RHOU: variants seen among roughly 807,000 people sequenced by gnomAD.
RHOU encodes ras homolog family member U, also known as rho-related GTP-binding protein RhoU.
In RHOU, 8 loss-of-function variants were observed where a neutral mutation model predicts 12.6. The ratio of observed to expected loss-of-function variants is 0.64; its 90% CI spans 0.37 to 1.15. The LOEUF (loss-of-function observed/expected upper bound fraction) is 1.15, where lower values mean the gene tolerates loss of function less well. Ranked by LOEUF, RHOU falls within the 50% of genes most tolerant of loss-of-function variation. The pLI is 0.01. For synonymous variants in RHOU, 161 were observed against 147.4 expected (o/e 1.09, Z -0.67); for missense variants, 258 against 347.0 (o/e 0.74, Z 2.04).
At chr1:228,666,847 TA>T in the RHOU span, among the ~76,000 whole-genome samples, 1 of 152,210 alleles carries the variant, frequency 6.6e-6, no homozygotes, top group Non-Finnish European at 1.5e-5. Context: ...GTAACGAGAC[TA>T]GAAAAGCCCT....
At chr1:228,691,250 A>T in the RHOU span, among the ~76,000 whole-genome samples, 7 of 152,172 alleles carry the variant, frequency 4.6e-5, no homozygotes, top group Admixed American at 2.0e-4. Context: ...CTATATTGAC[A>T]CATCATTATC....
At chr1:228,706,384 A>C in the RHOU span, among the ~76,000 whole-genome samples, 2 of 152,246 alleles carry the variant, frequency 1.3e-5, no homozygotes, top group Non-Finnish European at 2.9e-5. Context: ...CTTTGTGGTC[A>C]GTGAGGATTT....
upstream of RHOU, among the ~76,000 whole-genome samples, chr1:228,733,482 T>C (rs1662533345): frequency 6.6e-6 from 1 of 152,226 alleles, no homozygotes; most frequent in African/African-American, 2.4e-5. Context: ...AATTTTTTTA[T>C]TTTTGGTAGA....
At chr1:228,681,726 A>G in the RHOU span, among the ~76,000 whole-genome samples, 23 of 152,278 alleles carry the variant, frequency 1.5e-4, no homozygotes, top group South Asian at 4.1e-3. Flanking sequence ...CTTAGATTTT[A>G]GGTCAGGCAA....
chr1:228,700,771 T>C, the RHOU span, among the ~76,000 whole-genome samples: 1 of 152,198 alleles, frequency 6.6e-6, no homozygotes, highest in African/African-American at 2.4e-5. Context: ...TCATTTCTTA[T>C]TTGACAATGC....
chr1:228,650,732 A>G, the RHOU span: 17 of 458,320 alleles, frequency 3.7e-5, no homozygotes, highest in Admixed American at 4.5e-4. Context: ...CATCAACTAC[A>G]GGCCAGCTTA....
At chr1:228,648,931 C>G in the RHOU span, among the ~76,000 whole-genome samples, 1 of 151,518 alleles carries the variant, frequency 6.6e-6, no homozygotes, top group Admixed American at 6.6e-5. Flanking sequence ...AGTGTTCGAT[C>G]TCGGCTCACC....
the RHOU span, among the ~76,000 whole-genome samples, chr1:228,707,179 CAAAA>C: frequency 4.3e-5 from 3 of 70,130 alleles, no homozygotes; most frequent in East Asian, 1.0e-3. Flanking sequence ...CATATATTAA[CAAAA>C]TATATATATA....
chr1:228,727,432 C>A, the RHOU span, among the ~76,000 whole-genome samples: 3 of 152,088 alleles, frequency 2.0e-5, no homozygotes, highest in African/African-American at 7.2e-5. Context: ...ACCTCAGCCT[C>A]CTGAGTAGCT....
At chr1:228,655,757 G>A in the RHOU span, among the ~76,000 whole-genome samples, 3 of 152,188 alleles carry the variant, frequency 2.0e-5, no homozygotes, top group Admixed American at 6.5e-5. Flanking sequence ...TGCTTTCAAA[G>A]AACAATCTTG....
chr1:228,742,367 G>A (rs1266767238), intron 2 of RHOU, among the ~76,000 whole-genome samples: 1 of 152,150 alleles, frequency 6.6e-6, no homozygotes, highest in Non-Finnish European at 1.5e-5. Flanking sequence ...CTGTTAAATG[G>A]ATGACCACGG....
At chr1:228,687,915 C>A in the RHOU span, 1 of 747,862 alleles carries the variant, frequency 1.3e-6, no homozygotes, top group South Asian at 1.4e-5. Flanking sequence ...CTCCCCCTCT[C>A]CCTCCTCTGC....
At chr1:228,659,966 C>CG in the RHOU span, among the ~76,000 whole-genome samples, 3 of 76,714 alleles carry the variant, frequency 3.9e-5, no homozygotes, top group Non-Finnish European at 8.1e-5. Context: ...AAAAAAAAAA[C>CG]AAAAAAAAAA....
At chr1:228,664,987 G>A in the RHOU span, among the ~76,000 whole-genome samples, 1 of 152,116 alleles carries the variant, frequency 6.6e-6, no homozygotes, top group African/African-American at 2.4e-5. Context: ...GTGGTGCCAG[G>A]CTGTTATGGT....
chr1:228,665,661 G>T, the RHOU span, among the ~76,000 whole-genome samples: 1 of 152,154 alleles, frequency 6.6e-6, no homozygotes, highest in South Asian at 2.1e-4. Flanking sequence ...CTGCAGTTCT[G>T]ATGTCAGAGA....
chr1:228,674,049 G>T, the RHOU span, among the ~76,000 whole-genome samples: 4 of 152,142 alleles, frequency 2.6e-5, no homozygotes, highest in African/African-American at 9.7e-5. Flanking sequence ...ACTGGCTTTT[G>T]CATTTTAGTT....
chr1:228,731,748 T>A (rs1231739391), upstream of RHOU, among the ~76,000 whole-genome samples: 1 of 144,162 alleles, frequency 6.9e-6, no homozygotes, highest in Non-Finnish European at 1.5e-5. Context: ...GACCCAGGGG[T>A]GGGTTGCTGG....
the RHOU span, among the ~76,000 whole-genome samples, chr1:228,656,584 A>G: frequency 6.6e-6 from 1 of 152,216 alleles, no homozygotes; most frequent in East Asian, 1.9e-4. Context: ...GAGTTTTTAC[A>G]TGTTACTGAA....
chr1:228,737,673 C>CGGTGGTGTCTGTGGATG lies in RHOU; in HGVS notation c.266_282dup (p.Arg95TrpfsTer9). 1 of 1,614,026 alleles carries CGGTGGTGTCTGTGGATG rather than the reference C, an allele frequency of 6.2e-7. No homozygotes were observed. Among genetic ancestry groups the CGGTGGTGTCTGTGGATG allele is most frequent in the Non-Finnish European group, 8.5e-7 (1 of 1,179,974 alleles). On this transcript the variant is annotated frameshift_variant and splice_region_variant, in exon 2 of 3. Coordinates refer to ENST00000366691, the MANE Select transcript of RHOU (RefSeq NM_021205.6). LOFTEE classifies it high-confidence loss of function. The surrounding 1 kb of genome is among the most constrained non-coding windows in gnomAD (Gnocchi z 4.1). ...TTGTCATTTTGGTTTTGTTTTTAAGCGGTGGTGTCTGTGGATGGGCGGCCC... is the reference window on the plus strand; with the variant it reads ...TTGTCATTTTGGTTTTGTTTTTAAGCGGTGGTGTCTGTGGATGGGTGGTGTCTGTGGATGGGCGGCCC...
Sources: gnomAD v4.1 joint callset for allele counts (sites outside exome capture counted in the v4.1 genomes callset) on GRCh38, gnomAD v4.1.1 for gene constraint, Gnocchi (gnomAD v3.1) non-coding constraint, MANE v1.5 for transcripts, NCBI Gene and HGNC (gene_info 2026-07-23, HGNC 2026-07-21) for gene names.